KCNB2: variants seen among roughly 807,000 people sequenced by gnomAD.
The protein encoded by KCNB2 is potassium voltage-gated channel subfamily B member 2, also known as delayed rectifier potassium channel protein.
KCNB2 carries 15 observed loss-of-function variants against 61.5 expected under a neutral mutation model. The observed-to-expected ratio is 0.24, with a 90% CI of 0.16 to 0.38. The LOEUF is 0.38. Among genes scored for constraint, KCNB2 ranks in the 10% least tolerant of loss-of-function variants. The probability of loss-of-function intolerance (pLI) is 1.00; values close to 1 mark genes in which losing one functional copy is unlikely to be tolerated. For synonymous variants in KCNB2, 457 were observed against 446.0 expected, an observed-to-expected ratio of 1.02 and a Z score of -0.31; for missense variants, 828 against 1,125.2, an observed-to-expected ratio of 0.74 and a Z score of 3.78.
chr8:72,705,362 C>G (rs149468930), intron 2 of KCNB2, among the ~76,000 whole-genome samples: 1,931 of 152,322 alleles, frequency 0.013, 34 homozygotes, highest in African/African-American at 0.044. Context: ...GGAACCATCT[C>G]CCATCCATTA....
intron 1 of KCNB2, among the ~76,000 whole-genome samples, chr8:72,548,278 A>T (rs1806290554): frequency 6.6e-6 from 1 of 152,194 alleles, no homozygotes; most frequent in Non-Finnish European, 1.5e-5. Context: ...GTATGCTTGT[A>T]TAATGATGGA....
intron 2 of KCNB2, among the ~76,000 whole-genome samples, chr8:72,710,929 A>G (rs2128991793): frequency 6.6e-6 from 1 of 152,348 alleles, no homozygotes; most frequent in Admixed American, 6.5e-5. Flanking sequence ...TTCGTTCATC[A>G]ATATTATGAA....
At chr8:72,925,567 G>T (rs1444713750) in intron 2 of KCNB2, among the ~76,000 whole-genome samples, 1 of 152,156 alleles carries the variant, frequency 6.6e-6, no homozygotes, top group Non-Finnish European at 1.5e-5. Flanking sequence ...GATCATTAAA[G>T]AAATGCAAAT....
intron 2 of KCNB2, among the ~76,000 whole-genome samples, chr8:72,930,822 T>C (rs1410155172): frequency 2.0e-5 from 3 of 152,218 alleles, no homozygotes; most frequent in African/African-American, 7.2e-5. Context: ...TTTGTCAATT[T>C]TGGTTTTTGT....
intron 2 of KCNB2, among the ~76,000 whole-genome samples, chr8:72,743,678 A>AGGCAACCAACCAATGGT (rs1309544069): frequency 6.6e-6 from 1 of 152,220 alleles, no homozygotes; most frequent in Non-Finnish European, 1.5e-5. Context: ...CTTCTGAGAC[A>AGGCAACCAACCAATGGT]GGCAACCAAC....
intron 2 of KCNB2, among the ~76,000 whole-genome samples, chr8:72,845,529 T>C (rs1416290164): frequency 6.6e-6 from 1 of 152,244 alleles, no homozygotes; most frequent in Non-Finnish European, 1.5e-5. Context: ...CTGCTGAAGC[T>C]GTGTCCACAG....
At chr8:72,717,580 T>C (rs1394735707) in intron 2 of KCNB2, among the ~76,000 whole-genome samples, 43 of 152,074 alleles carry the variant, frequency 2.8e-4, no homozygotes, top group Admixed American at 4.6e-4. Flanking sequence ...CCCTATTTAA[T>C]AAATGGTGCT....
intron 2 of KCNB2, among the ~76,000 whole-genome samples, chr8:72,786,526 T>A (rs529271941): frequency 1.3e-5 from 2 of 152,322 alleles, no homozygotes; most frequent in South Asian, 4.1e-4. Flanking sequence ...ACTGCAGGAT[T>A]TTCCATGGGA....
intron 2 of KCNB2, among the ~76,000 whole-genome samples, chr8:72,586,232 C>T (rs1455801266): frequency 6.6e-6 from 1 of 152,174 alleles, no homozygotes; most frequent in Non-Finnish European, 1.5e-5. Context: ...AAACCCATTA[C>T]CGTGTGTCAA....
chr8:72,612,952 C>G (rs1316266152), intron 2 of KCNB2, among the ~76,000 whole-genome samples: 7 of 152,062 alleles, frequency 4.6e-5, no homozygotes, highest in Non-Finnish European at 1.0e-4. Context: ...GATATGCTCT[C>G]CTGTGGAAAT....
chr8:72,687,215 A>G (rs1247084047), intron 2 of KCNB2, among the ~76,000 whole-genome samples: 2 of 152,238 alleles, frequency 1.3e-5, no homozygotes, highest in Non-Finnish European at 2.9e-5. Context: ...AGCAATTTTT[A>G]GAAACTCAGT....
chr8:72,814,672 C>T (rs375450422), intron 2 of KCNB2, among the ~76,000 whole-genome samples: 97 of 152,164 alleles, frequency 6.4e-4, no homozygotes, highest in African/African-American at 2.2e-3. Context: ...TGATAAAAGT[C>T]CGCTATTTAA....
In KCNB2 at chr8:72,936,949, C is replaced by G. The variant is rs764955920; in HGVS notation, c.1594C>G (p.Pro532Ala). 1 of 1,614,188 alleles carries G rather than the reference C, an allele frequency of 6.2e-7. No homozygotes were observed. The highest frequency in any genetic ancestry group is 8.5e-7 in the Non-Finnish European group (1 of 1,180,030). Residue 532 changes from proline to alanine, a missense_variant, in exon 3 of 3, where the codon CCA becomes GCA. Pro to Ala is a conservative substitution (Grantham distance 27). Transcript: ENST00000523207. This position sits in a 1 kb window ranked among gnomAD's most constrained non-coding sequence, Gnocchi z 5.6. Reference sequence around the variant, plus strand: ...GCTGAACAACACGTCTTCCTCCAGCCCACAGCATCTGAGTGCCCAGAAACT... The same window carrying G: ...GCTGAACAACACGTCTTCCTCCAGCGCACAGCATCTGAGTGCCCAGAAACT... The part of the protein sequence containing the change: ...EQLNNTSSSS[P>A]QHLSAQKLEM...
At chr8:72,590,136 C>T (rs761260085) in intron 2 of KCNB2, among the ~76,000 whole-genome samples, 130 of 152,220 alleles carry the variant, frequency 8.5e-4, no homozygotes, top group African/African-American at 2.9e-3. Flanking sequence ...GCTGTAGACA[C>T]CCAGAGTCAT....
At chr8:72,788,518 G>T (rs966018973) in intron 2 of KCNB2, among the ~76,000 whole-genome samples, 3 of 151,900 alleles carry the variant, frequency 2.0e-5, no homozygotes, top group African/African-American at 7.3e-5. Flanking sequence ...GTCACATTAG[G>T]GCTTCAACAT....
chr8:72,832,223 G>A (rs371398420), intron 2 of KCNB2, among the ~76,000 whole-genome samples: 74 of 152,236 alleles, frequency 4.9e-4, no homozygotes, highest in African/African-American at 1.7e-3. Flanking sequence ...TAAAAGGATG[G>A]CCTGGAATGT....
At chr8:72,563,366 T>G (rs941963317) in intron 1 of KCNB2, among the ~76,000 whole-genome samples, 8 of 152,138 alleles carry the variant, frequency 5.3e-5, no homozygotes, top group African/African-American at 1.4e-4. Context: ...GGAACTGAGG[T>G]GTTCTGAGCC....
chr8:72,925,202 T>C lies in KCNB2; in HGVS notation c.580-10733T>C, dbSNP rs146786402. On this transcript the variant is annotated intron_variant, in intron 2 of 2. Coordinates refer to ENST00000523207, the MANE Select transcript of KCNB2 (RefSeq NM_004770.3). ...GGAATAAATCCCTGCAATTCTCTGT[T>C]AATGGTGATAGATGAGATGATGAAG... Among the ~76,000 whole-genome samples, 18 of 152,356 alleles carry C rather than the reference T, an allele frequency of 1.2e-4. No individual in the cohort carries two copies. In the East Asian group the frequency reaches 3.5e-3, roughly 29 times the overall value.
chr8:72,553,991 C>G (rs1166300085), intron 1 of KCNB2, among the ~76,000 whole-genome samples: 1 of 152,006 alleles, frequency 6.6e-6, no homozygotes, highest in South Asian at 2.1e-4. Flanking sequence ...ATACTATATT[C>G]CACAAAGCCC....
Sources: allele counts gnomAD v4.1 joint callset (sites outside exome capture counted in the v4.1 genomes callset), GRCh38; gene constraint gnomAD v4.1.1; non-coding constraint Gnocchi (gnomAD v3.1); transcripts MANE v1.5; gene names NCBI Gene and HGNC (gene_info 2026-07-23, HGNC 2026-07-21).